The following ATG5 variants were observed in gnomAD, a reference collection of about 807,000 sequenced individuals.
ATG5 encodes the protein autophagy related 5.
A neutral mutation model predicts 36.5 loss-of-function variants in ATG5; 14 were observed. The ratio of observed to expected loss-of-function variants is 0.38; its 90% confidence interval spans 0.25 to 0.60. The LOEUF (loss-of-function observed/expected upper bound fraction) is 0.60. Ranked by LOEUF, ATG5 falls within the 20% of genes least tolerant of loss-of-function variation. ATG5 has a pLI of 0.60. For missense variants in ATG5, 195 were observed against 326.7 expected, an observed-to-expected ratio of 0.60 and a Z score of 3.11; for synonymous variants, 95 against 101.5, an observed-to-expected ratio of 0.94 and a Z score of 0.38.
chr6:106,296,543 C>T (rs559180645), intron 3 of ATG5, among the ~76,000 whole-genome samples: 6 of 152,120 alleles, frequency 3.9e-5, no homozygotes, highest in Admixed American at 1.3e-4. Context: ...GCAGGCTGGG[C>T]GTGGTGGCTC....
chr6:106,212,262 G>C (rs747370856), intron 6 of ATG5, among the ~76,000 whole-genome samples: 15 of 152,204 alleles, frequency 9.9e-5, no homozygotes, highest in Admixed American at 3.3e-4. Context: ...AGAAAAACTA[G>C]ATTTTACAAT....
At chr6:106,212,361 C>T (rs1351377243) in intron 6 of ATG5, among the ~76,000 whole-genome samples, 2 of 152,228 alleles carry the variant, frequency 1.3e-5, no homozygotes, top group Non-Finnish European at 2.9e-5. Context: ...TATTGGATGG[C>T]TGGGTGCAGA....
intron 3 of ATG5, among the ~76,000 whole-genome samples, chr6:106,294,879 C>A (rs1780478253): frequency 6.8e-6 from 1 of 147,068 alleles, no homozygotes; most frequent in Non-Finnish European, 1.5e-5. Context: ...GGATGAACGC[C>A]CGGTCGGTAA....
rs573989071 is a variant in ATG5, at chr6:106,185,691, TA to T, written c.*848del. 1 of 152,306 alleles carries T rather than the reference TA, an allele frequency of 6.6e-6. No individual in the cohort carries two copies. Among genetic ancestry groups the T allele is most frequent in the Non-Finnish European group, 1.5e-5 (1 of 68,040 alleles). 9.4% of individuals were successfully genotyped at this position (152,306 alleles called of 1,614,324 possible). On this transcript the variant is annotated 3_prime_UTR_variant, in exon 8 of 8. Transcript: ENST00000369076. ...CTATGATTTGACAGGCTTACAGTGA[TA>T]AAACAACAAAGATGAACAGTTACAA...
intron 7 of ATG5, 88 bp from the exon 8 acceptor site, chr6:106,186,764 T>C: frequency 7.0e-7 from 1 of 1,424,638 alleles, no homozygotes. Context: ...CCTTAGTGCA[T>C]TAAATGGATT....
chr6:106,218,513 C>G (rs889280388), intron 6 of ATG5, among the ~76,000 whole-genome samples: 1 of 152,132 alleles, frequency 6.6e-6, no homozygotes, highest in African/African-American at 2.4e-5. Context: ...ACTAAAAACT[C>G]TAATAATGGT....
At chr6:106,189,760 A>G (rs980750038) in intron 7 of ATG5, among the ~76,000 whole-genome samples, 1 of 152,138 alleles carries the variant, frequency 6.6e-6, no homozygotes, top group Non-Finnish European at 1.5e-5. Flanking sequence ...CAAAATGGGA[A>G]TCTAGACCTT....
At chr6:106,307,703 A>AT (rs2114663702) in intron 3 of ATG5, among the ~76,000 whole-genome samples, 1 of 151,874 alleles carries the variant, frequency 6.6e-6, no homozygotes, top group East Asian at 1.9e-4. Context: ...CGCCCAACTA[A>AT]TTTTGTATTT....
rs75544359 is a variant in ATG5, at chr6:106,184,676, T to A, written c.*1864A>T. 1 of 152,260 alleles carries A rather than the reference T, an allele frequency of 6.6e-6. No individual in the cohort carries two copies. The highest frequency in any genetic ancestry group is 6.6e-5 in the Admixed American group (1 of 15,260). The allele number at this position is 152,260 out of a possible 1,614,324, so 9.4% of individuals were successfully genotyped here. A position where few individuals can be genotyped will look rare whatever the true frequency, so the allele number is the denominator to read the frequency against. On this transcript the variant is annotated 3_prime_UTR_variant, in exon 8 of 8. Coordinates refer to ENST00000369076, the MANE Select transcript of ATG5 (RefSeq NM_004849.4). ...GAAGTAAAAATGGGCAATGTCTTCA[T>A]AAAATTTACTTTCAAATCTAGATCA...
intron 1 of ATG5, among the ~76,000 whole-genome samples, chr6:106,318,724 T>C (rs754524436): frequency 6.6e-6 from 1 of 152,166 alleles, no homozygotes; most frequent in Non-Finnish European, 1.5e-5. Context: ...GCAAAACAGA[T>C]TTATGAAAAC....
chr6:106,269,626 C>T, intron 5 of ATG5, among the ~76,000 whole-genome samples: 1 of 152,366 alleles, frequency 6.6e-6, no homozygotes, highest in South Asian at 2.1e-4. Context: ...ACCCAGTACA[C>T]CCTCCGCAGC....
At chr6:106,324,099 C>T (rs769732812) in intron 1 of ATG5, among the ~76,000 whole-genome samples, 6 of 152,138 alleles carry the variant, frequency 3.9e-5, no homozygotes, top group Non-Finnish European at 7.3e-5. Flanking sequence ...TTCTCTAGCA[C>T]TTTCCGCCAC....
rs113884109 is a variant in ATG5, at chr6:106,271,259, T to C, written c.478+8402A>G. Among the ~76,000 whole-genome samples, 787 of 152,326 alleles carry C rather than the reference T, an allele frequency of 5.2e-3. 4 individuals are homozygous for C. Among genetic ancestry groups the C allele is most frequent in the African/African-American group, 0.018 (734 of 41,566 alleles). On this transcript the variant is annotated intron_variant, in intron 5 of 7. Transcript: ENST00000369076. ...TTGACTTCTCAAAACATACCTATTG[T>C]GGACTGAATGTTTACATCCCCCTAT...
chr6:106,213,532 A>T (rs1057512966), intron 6 of ATG5, among the ~76,000 whole-genome samples: 2 of 151,724 alleles, frequency 1.3e-5, no homozygotes, highest in African/African-American at 2.4e-5. Context: ...TGAAATACAT[A>T]TTTTTTTTTA....
intron 5 of ATG5, 64 bp downstream of exon 5, chr6:106,279,597 C>T: frequency 7.8e-7 from 1 of 1,274,116 alleles, no homozygotes. Context: ...CAACTACTCA[C>T]AGGGTTATGG....
At chr6:106,194,696 C>T (rs1776109368) in intron 7 of ATG5, among the ~76,000 whole-genome samples, 1 of 152,102 alleles carries the variant, frequency 6.6e-6, no homozygotes, top group Non-Finnish European at 1.5e-5. Flanking sequence ...CACCACCACG[C>T]CTAGCTAATT....
intron 4 of ATG5, among the ~76,000 whole-genome samples, chr6:106,280,248 ACCTAAGAGAAATG>A (rs1488389438): frequency 6.6e-6 from 1 of 150,888 alleles, no homozygotes; most frequent in African/African-American, 2.4e-5. Flanking sequence ...CTAGGCATTT[ACCTAAGAGAAATG>A]AAAGTATTAT....
At chr6:106,251,648 G>A (rs77972000) in intron 5 of ATG5, among the ~76,000 whole-genome samples, 18 of 248 alleles carry the variant, frequency 0.073, no homozygotes, top group East Asian at 0.12. Flanking sequence ...AGAGAGAGAG[G>A]GAGGGAGGGA....
At chr6:106,204,807 C>G (rs1421156049) in intron 6 of ATG5, among the ~76,000 whole-genome samples, 1 of 152,150 alleles carries the variant, frequency 6.6e-6, no homozygotes, top group Middle Eastern at 3.2e-3. Flanking sequence ...AACCTTTTGC[C>G]TTTATAAATT....
Sources: allele counts gnomAD v4.1 joint callset (sites outside exome capture counted in the v4.1 genomes callset), GRCh38; gene constraint gnomAD v4.1.1; transcripts MANE v1.5; gene names NCBI Gene and HGNC (gene_info 2026-07-23, HGNC 2026-07-21).